The following DNAJC7 variants were observed in gnomAD, a reference collection of about 807,000 sequenced individuals.
The protein encoded by DNAJC7 is dnaJ homolog subfamily C member 7.
A neutral mutation model predicts 67.4 loss-of-function variants in DNAJC7; 18 were observed. The ratio of observed to expected loss-of-function variants is 0.27; its 90% CI spans 0.18 to 0.40. The LOEUF (loss-of-function observed/expected upper bound fraction) is 0.40. DNAJC7 is among the 10% of genes least tolerant of loss of function. The probability of loss-of-function intolerance (pLI) is 1.00; values close to 1 mark genes in which losing one functional copy is unlikely to be tolerated. For synonymous variants in DNAJC7, 220 were observed against 207.8 expected (o/e 1.06, Z -0.50); for missense variants, 419 against 613.8 (o/e 0.68, Z 3.35).
At chr17:41,989,034 G>T in intron 7 of DNAJC7, 138 bp from the exon 8 acceptor site, 1 of 1,024,422 alleles carries the variant, frequency 9.8e-7, no homozygotes, top group Non-Finnish European at 1.4e-6. Flanking sequence ...CCCAATCTGG[G>T]CTATCTGTTG....
intron 3 of DNAJC7, 91 bp from the exon 4 acceptor site, chr17:41,996,515 A>C: frequency 8.6e-7 from 1 of 1,161,508 alleles, no homozygotes; most frequent in Non-Finnish European, 1.2e-6. Context: ...CAAAACCAAC[A>C]CAGAGGCCAG....
At chr17:41,988,403 TAA>T (rs1156540079) in intron 8 of DNAJC7, among the ~76,000 whole-genome samples, 2 of 152,130 alleles carry the variant, frequency 1.3e-5, no homozygotes, top group Non-Finnish European at 2.9e-5. Context: ...AAATCACTCC[TAA>T]AAAATAAATG....
rs782008110 is a variant in DNAJC7 at position 41,989,428 on chromosome 17, G to A, written c.729C>T (p.His243=). ...CTCTGCAGGCAATGCAGGCCTTCTC[G>A]TGGTCAGGAGCCATCCTGAGAGCCT... The part of the protein sequence containing the change: ...FVQALRMAPD[H]EKACIACRNA... Residue 243 remains histidine, a synonymous_variant, in exon 7 of 14, where the codon CAC becomes CAT. Coordinates refer to ENST00000457167, the MANE Select transcript of DNAJC7 (RefSeq NM_003315.4). 68 of 1,613,838 alleles carry A rather than the reference G, an allele frequency of 4.2e-5. No individual in the cohort carries two copies. Among genetic ancestry groups the A allele is most frequent in the Middle Eastern group, 1.6e-4 (1 of 6,078 alleles).
chr17:41,978,705 A>T (rs958634563), intron 12 of DNAJC7, among the ~76,000 whole-genome samples: 1 of 152,096 alleles, frequency 6.6e-6, no homozygotes, highest in South Asian at 2.1e-4. Flanking sequence ...TAAAAAAAAT[A>T]AAAATAAAAA....
At chr17:42,014,659 T>A (rs2052216431) in intron 1 of DNAJC7, 1 of 151,342 alleles carries the variant, frequency 6.6e-6, no homozygotes, top group Admixed American at 6.6e-5. Flanking sequence ...TGGCATGATC[T>A]CCCCTCACCA....
chr17:42,003,072 A>C (rs1351308581), intron 1 of DNAJC7, among the ~76,000 whole-genome samples: 1 of 152,242 alleles, frequency 6.6e-6, no homozygotes, highest in East Asian at 1.9e-4. Flanking sequence ...AGCCCACAGC[A>C]AAAAGAACAA....
At chr17:41,978,962 G>A (rs189473752) in intron 12 of DNAJC7, among the ~76,000 whole-genome samples, 1 of 152,340 alleles carries the variant, frequency 6.6e-6, no homozygotes, top group African/African-American at 2.4e-5. Flanking sequence ...GTTTATTGTG[G>A]TGAACCTAGG....
chr17:42,009,278 G>C (rs970249302), intron 1 of DNAJC7, among the ~76,000 whole-genome samples: 1 of 152,170 alleles, frequency 6.6e-6, no homozygotes. Context: ...ATTGTCCTCT[G>C]GGTGGACATT....
chr17:42,009,769 G>A (rs1413577516), intron 1 of DNAJC7, among the ~76,000 whole-genome samples: 6 of 152,054 alleles, frequency 3.9e-5, no homozygotes, highest in Admixed American at 6.6e-5. Flanking sequence ...TCCATCCCTC[G>A]GTTCCCTATT....
rs1381644184 is a variant in DNAJC7, at chr17:41,982,510, ACTTTTACGGTG to A, written c.1085-120_1085-110del. On this transcript the variant is annotated intron_variant, in intron 10 of 13. Transcript: ENST00000457167. Reference sequence around the variant, plus strand: ...AGAGGCCTTGTTAACCATGCCAGGGACTTTTACGGTGCTTTCTTCTGGAGATTAGAAAAAAA... The same window carrying A: ...AGAGGCCTTGTTAACCATGCCAGGGACTTTCTTCTGGAGATTAGAAAAAAA... The A allele has an allele frequency of 1.4e-5, 20 of 1,381,820 alleles. No homozygotes were observed. The African/African-American group carries it at 2.8e-4, about 19-fold the overall frequency. The allele number at this position is 1,381,820 out of a possible 1,614,324, so 85.6% of individuals were successfully genotyped here.
chr17:41,979,076 C>T (rs910166203), intron 12 of DNAJC7, among the ~76,000 whole-genome samples: 1 of 152,066 alleles, frequency 6.6e-6, no homozygotes, highest in Non-Finnish European at 1.5e-5. Context: ...CGGTGGCTCA[C>T]GCCTGTCATC....
chr17:41,990,230 G>T (rs2051479792), intron 6 of DNAJC7, 34 bp downstream of exon 6: 2 of 1,560,258 alleles, frequency 1.3e-6, no homozygotes, highest in South Asian at 2.3e-5. Flanking sequence ...AATGGTATCT[G>T]GCATTTTAAT....
intron 12 of DNAJC7, 175 bp downstream of exon 12, chr17:41,981,680 A>T: frequency 1.2e-6 from 1 of 851,144 alleles, no homozygotes; most frequent in Non-Finnish European, 1.8e-6. Context: ...CTCAGAGCTC[A>T]CTGCACACTG....
intron 4 of DNAJC7, among the ~76,000 whole-genome samples, chr17:41,995,645 T>C (rs558758649): frequency 6.6e-6 from 1 of 152,354 alleles, no homozygotes; most frequent in African/African-American, 2.4e-5. Context: ...TGTAGCAGGC[T>C]ATGCCACCCA....
intron 12 of DNAJC7, among the ~76,000 whole-genome samples, chr17:41,980,857 G>T (rs1191256299): frequency 2.0e-5 from 3 of 152,166 alleles, no homozygotes; most frequent in Non-Finnish European, 2.9e-5. Flanking sequence ...TTTGCAGTGG[G>T]TAAAAAAGAA....
chr17:42,000,350 C>G lies in DNAJC7; in HGVS notation c.166+132G>C. The G allele has an allele frequency of 8.2e-6, 5 of 607,858 alleles. No homozygotes were observed. The South Asian group carries it at 1.1e-4, about 13-fold the overall frequency. The allele number at this position is 607,858 out of a possible 1,614,324, so 37.7% of individuals were successfully genotyped here. A position where few individuals can be genotyped will look rare whatever the true frequency, so the allele number is the denominator to read the frequency against. On this transcript the variant is annotated intron_variant, in intron 2 of 13. Transcript: ENST00000457167. ...GCCAGAGTGGTCTGAAACCCCTGAT[C>G]TAAAGTGATCCTCCTGCTTTGGCCT...
In DNAJC7 at chr17:41,996,404, C is replaced by A; in HGVS notation, c.312G>T (p.Lys104Asn). Residue 104 changes from lysine (K) to asparagine (N), a missense_variant, in exon 4 of 14, where the codon AAG (lysine) becomes AAT (asparagine). Transcript: ENST00000457167. Reference protein sequence around the residue: ...SFVRGHLREGKCHLSLGNAMA... With the variant: ...SFVRGHLREGNCHLSLGNAMA... Reference sequence around the variant, plus strand: ...TGGCATTCCCCAGAGAGAGGTGGCACTTGCCCTCTCGTAGATGTCCCTAAA... The same window carrying A: ...TGGCATTCCCCAGAGAGAGGTGGCAATTGCCCTCTCGTAGATGTCCCTAAA... 1 of 1,613,986 alleles carries A rather than the reference C, an allele frequency of 6.2e-7. No individual in the cohort carries two copies. Among genetic ancestry groups the A allele is most frequent in the Non-Finnish European group, 8.5e-7 (1 of 1,179,874 alleles).
At position 41,988,034 on chromosome 17, in the gene DNAJC7, G is replaced by A; in HGVS notation, c.919-124C>T. 2 of 761,608 alleles carry A rather than the reference G, an allele frequency of 2.6e-6. 1 individual carries two copies. Among genetic ancestry groups the A allele is most frequent in the South Asian group, 3.6e-5 (2 of 55,398 alleles). The allele number at this position is 761,608 out of a possible 1,614,324, so 47.2% of individuals were successfully genotyped here. A position where few individuals can be genotyped will look rare whatever the true frequency, so the allele number is the denominator to read the frequency against. On this transcript the variant is annotated intron_variant, in intron 8 of 13. Transcript: ENST00000457167. The stretch of plus-strand genomic sequence containing the variant: ...GCTGGCCCCTTAAATGTCATATTAA[G>A]TTCTAGTTCTTTGTCACCAGGGCTA...
chr17:42,016,671 C>T (rs1555651959), intron 1 of DNAJC7: 3 of 153,212 alleles, frequency 2.0e-5, no homozygotes, highest in African/African-American at 2.4e-5. Flanking sequence ...AGCAGTTGCC[C>T]TCTTCCTTGG....
Sources: gnomAD v4.1 joint callset for allele counts (sites outside exome capture counted in the v4.1 genomes callset) on GRCh38, gnomAD v4.1.1 for gene constraint, MANE v1.5 for transcripts, NCBI Gene and HGNC (gene_info 2026-07-23, HGNC 2026-07-21) for gene names.